SLC12A7: variants seen among roughly 807,000 people sequenced by gnomAD.
SLC12A7 encodes the protein solute carrier family 12 member 7.
In SLC12A7, 100 loss-of-function variants were observed where a neutral mutation model predicts 120.6. The ratio of observed to expected loss-of-function variants is 0.83; its 90% CI spans 0.71 to 0.98. The LOEUF (loss-of-function observed/expected upper bound fraction) is 0.98, where lower values mean the gene tolerates loss of function less well. Ranked by LOEUF, SLC12A7 falls within the 50% of genes least tolerant of loss-of-function variation. SLC12A7 has a pLI of 0.00. For missense variants in SLC12A7, 1,373 were observed against 1,548.1 expected (o/e 0.89, Z 1.90); for synonymous variants, 760 against 678.0 (o/e 1.12, Z -1.88).
Position 1,060,965 on chromosome 5 carries a change from T to C in SLC12A7, c.2740-514A>G, listed in dbSNP as rs2060277648. ...CGCCTCACCCGGAACATCCACAGTG[T>C]GGGACTGCTGCGTCTCACCCACTGC... On this transcript the variant is annotated intron_variant, in intron 20 of 23. Coordinates refer to ENST00000264930, the MANE Select transcript of SLC12A7 (RefSeq NM_006598.3). Among the ~76,000 whole-genome samples the C allele has an allele frequency of 4.0e-5, 6 of 149,890 alleles. 1 individual carries two copies. The South Asian group carries it at 1.3e-3, about 32-fold the overall frequency.
chr5:1,089,759 C>T (rs1740287998), intron 3 of SLC12A7, among the ~76,000 whole-genome samples: 1 of 152,212 alleles, frequency 6.6e-6, no homozygotes, highest in South Asian at 2.1e-4. Context: ...GAGGGGGACA[C>T]ACCCTGTGCC....
chr5:1,088,218 C>T (rs1291623824), intron 5 of SLC12A7, 88 bp downstream of exon 5: 18 of 1,398,028 alleles, frequency 1.3e-5, no homozygotes, highest in South Asian at 3.8e-5. Flanking sequence ...GGCCCGGCCT[C>T]GCCAAGCGGC....
Position 1,052,470 on chromosome 5 carries a change from A to G in SLC12A7, c.3161-19T>C, listed in dbSNP as rs1370497622. 2.5e-6 allele frequency: 4 copies of G among 1,589,418 alleles called. No individual in the cohort carries two copies. Among genetic ancestry groups the G allele is most frequent in the African/African-American group, 1.3e-5 (1 of 74,602 alleles). ...TCCATGTCTGTGGTCAACAGAGTTAAGGCCACAGCTGATCTTACCTGAGCG... is the reference window on the plus strand; with the variant it reads ...TCCATGTCTGTGGTCAACAGAGTTAGGGCCACAGCTGATCTTACCTGAGCG... On this transcript the variant is annotated intron_variant, in intron 23 of 23. Coordinates refer to ENST00000264930, the MANE Select transcript of SLC12A7 (RefSeq NM_006598.3).
intron 1 of SLC12A7, among the ~76,000 whole-genome samples, chr5:1,101,846 T>C (rs1742054528): frequency 6.7e-6 from 1 of 148,806 alleles, no homozygotes. Flanking sequence ...GAGTTTTCTC[T>C]GGCTGCAGCC....
Position 1,093,543 on chromosome 5 carries a change from C to G in SLC12A7, c.332G>C (p.Arg111Pro). The part of the protein sequence containing the change: ...EHEEDEESRR[R>P]EAKAPRMGTF... ...GCAGGGTGGCAGTACCTTGGCCTCCCGCCGCCGGCTCTCCTCGTCCTCCTC... is the reference window on the plus strand; with the variant it reads ...GCAGGGTGGCAGTACCTTGGCCTCCGGCCGCCGGCTCTCCTCGTCCTCCTC... Residue 111 changes from arginine to proline, a missense_variant, in exon 3 of 24, where the codon CGG becomes CCG. Physicochemically the swap from Arg to Pro is moderately radical, Grantham distance 103. Transcript: ENST00000264930. 6.3e-7 allele frequency: 1 copy of G among 1,591,086 alleles called. No homozygotes were observed. The highest frequency in any genetic ancestry group is 8.5e-7 in the Non-Finnish European group (1 of 1,170,102).
chr5:1,149,171 C>T, the SLC12A7 span, among the ~76,000 whole-genome samples: 3 of 146,206 alleles, frequency 2.1e-5, no homozygotes, highest in East Asian at 1.9e-4. Flanking sequence ...ATGATGCTAC[C>T]GTGTGAGCTT....
chr5:1,084,597 GA>G (rs1254595611), intron 7 of SLC12A7, among the ~76,000 whole-genome samples: 2 of 152,234 alleles, frequency 1.3e-5, no homozygotes, highest in African/African-American at 4.8e-5. Context: ...ACGGGTCCCC[GA>G]GGGGGAGGGC....
the SLC12A7 span, among the ~76,000 whole-genome samples, chr5:1,141,325 A>C: frequency 6.6e-6 from 1 of 152,138 alleles, no homozygotes; most frequent in African/African-American, 2.4e-5. Context: ...CTCCCTCCCA[A>C]TACCATCACA....
In SLC12A7 at chr5:1,073,791, G is replaced by A; in HGVS notation, c.2083C>T (p.Leu695=). The A allele has an allele frequency of 7.0e-7, 1 of 1,427,896 alleles. No homozygotes were observed. Among genetic ancestry groups the A allele is most frequent in the South Asian group, 1.6e-5 (1 of 61,330 alleles). 88.5% of individuals were successfully genotyped at this position (1,427,896 alleles called of 1,614,324 possible). Reference sequence around the variant, plus strand: ...TCCGCGTCCAGGTTCAGCATCACCAGCACCTGGGGCCTGCAGCCAGGGTGG... The same window carrying A: ...TCCGCGTCCAGGTTCAGCATCACCAACACCTGGGGCCTGCAGCCAGGGTGG... ...PHTKNWRPQV[L]VMLNLDAEQA... is the part of the protein sequence containing the mutation. The change falls in exon 17 of 24, where the codon CTG becomes TTG. Residue 695 remains leucine, a synonymous_variant. Transcript: ENST00000264930.
At position 1,073,657 on chromosome 5, in the gene SLC12A7, G is replaced by T; in HGVS notation, c.2217C>A (p.His739Gln). Residue 739 changes from histidine (H) to glutamine (Q), a missense_variant, in exon 17 of 24, where the codon CAC becomes CAA. Coordinates refer to ENST00000264930, the MANE Select transcript of SLC12A7 (RefSeq NM_006598.3). Reference sequence around the variant, plus strand: ...CCTCCTCGGCCCGCTGAGCCTCCATGTGCTTGTCCAGGTACGTCCCCTCCA... The same window carrying T: ...CCTCCTCGGCCCGCTGAGCCTCCATTTGCTTGTCCAGGTACGTCCCCTCCA... Reference protein sequence around the residue: ...SVLEGTYLDKHMEAQRAEENI... With the variant: ...SVLEGTYLDKQMEAQRAEENI... 6.2e-7 allele frequency: 1 copy of T among 1,604,730 alleles called. No homozygotes were observed. Among genetic ancestry groups the T allele is most frequent in the Non-Finnish European group, 8.5e-7 (1 of 1,176,280 alleles).
chr5:1,064,097 G>T lies in SLC12A7; in HGVS notation c.2593C>A (p.Leu865Met), dbSNP rs781114978. 5.0e-6 allele frequency: 8 copies of T among 1,607,312 alleles called. No homozygotes were observed. Among genetic ancestry groups the T allele is most frequent in the Middle Eastern group, 1.7e-4 (1 of 6,040 alleles). Reference protein sequence around the residue: ...GGMLMLLPFLLRQHKVWRKCR... With the variant: ...GGMLMLLPFLMRQHKVWRKCR... The stretch of plus-strand genomic sequence containing the variant: ...GCACGCCCCACCTTGTGCTGGCGCA[G>T]CAGGAAGGGCAGCAGCATGAGCATG... Residue 865 changes from leucine to methionine, a missense_variant, in exon 19 of 24, where the codon CTG (leucine) becomes ATG (methionine). Transcript: ENST00000264930.
chr5:1,103,797 C>T (rs901651690), intron 1 of SLC12A7, among the ~76,000 whole-genome samples: 2 of 152,278 alleles, frequency 1.3e-5, no homozygotes, highest in African/African-American at 2.4e-5. Context: ...AAAGGACACG[C>T]CTGCTCGCGG....
chr5:1,155,358 A>G, the SLC12A7 span, among the ~76,000 whole-genome samples: 66,489 of 151,994 alleles, frequency 0.44, 15,067 homozygotes, highest in African/African-American at 0.53. Context: ...CTCCCCGCGA[A>G]GTGACCCCGT....
intron 8 of SLC12A7, 151 bp downstream of exon 8, chr5:1,083,594 C>T: frequency 2.6e-6 from 2 of 778,320 alleles, no homozygotes; most frequent in Non-Finnish European, 4.1e-6. Context: ...TACAGGGACC[C>T]CCAGGCTCAT....
At chr5:1,063,439 C>T (rs981134075) in intron 20 of SLC12A7, among the ~76,000 whole-genome samples, 3 of 152,168 alleles carry the variant, frequency 2.0e-5, no homozygotes, top group Non-Finnish European at 4.4e-5. Context: ...ATGGAGGACA[C>T]GGAGATGCTG....
chr5:1,155,554 G>A, the SLC12A7 span, among the ~76,000 whole-genome samples: 1 of 151,492 alleles, frequency 6.6e-6, no homozygotes, highest in Non-Finnish European at 1.5e-5. Flanking sequence ...CCGCTGGGCT[G>A]GGGGGACCCC....
intron 7 of SLC12A7, among the ~76,000 whole-genome samples, chr5:1,084,817 G>A (rs562374706): frequency 4.9e-4 from 74 of 152,200 alleles, no homozygotes; most frequent in Middle Eastern, 6.8e-3. Context: ...ACCCTGGGCC[G>A]CCTCCCAGCT....
the SLC12A7 span, among the ~76,000 whole-genome samples, chr5:1,118,674 A>G: frequency 6.6e-6 from 1 of 152,242 alleles, no homozygotes; most frequent in Non-Finnish European, 1.5e-5. Context: ...GAAAGCCTGG[A>G]CCTGACGTAG....
chr5:1,131,623 C>G, the SLC12A7 span, among the ~76,000 whole-genome samples: 1 of 152,228 alleles, frequency 6.6e-6, no homozygotes, highest in African/African-American at 2.4e-5. Context: ...TAACCAGGCG[C>G]TAGGGCTGCC....
Sources: gnomAD v4.1 joint callset for allele counts (sites outside exome capture counted in the v4.1 genomes callset) on GRCh38, gnomAD v4.1.1 for gene constraint, MANE v1.5 for transcripts, NCBI Gene and HGNC (gene_info 2026-07-23, HGNC 2026-07-21) for gene names.